The following CDIN1 variants were observed in gnomAD, a reference collection of about 807,000 sequenced individuals.
The protein encoded by CDIN1 is CDAN1 interacting nuclease 1, also known as CDAN1-interacting nuclease 1.
A neutral mutation model predicts 45.3 loss-of-function variants in CDIN1; 33 were observed. The observed-to-expected ratio is 0.73, with a 90% confidence interval of 0.55 to 0.97. The LOEUF is 0.97. Ranked by LOEUF, CDIN1 falls within the 50% of genes least tolerant of loss-of-function variation. The probability of loss-of-function intolerance (pLI) is 0.00; values close to 1 mark genes in which losing one functional copy is unlikely to be tolerated. For missense variants in CDIN1, 303 were observed against 339.4 expected, an observed-to-expected ratio of 0.89 and a Z score of 0.84; for synonymous variants, 118 against 124.4, an observed-to-expected ratio of 0.95 and a Z score of 0.34.
chr15:36,590,141 A>G (rs1444865873), intron 1 of CDIN1, among the ~76,000 whole-genome samples: 2 of 152,062 alleles, frequency 1.3e-5, no homozygotes, highest in African/African-American at 4.8e-5. Flanking sequence ...TTTTCTATTC[A>G]TTCTGGCTTC....
chr15:36,635,952 T>C (rs2140368238), intron 1 of CDIN1, among the ~76,000 whole-genome samples: 1 of 151,160 alleles, frequency 6.6e-6, no homozygotes, highest in Non-Finnish European at 1.5e-5. Context: ...GAAGAGAAAC[T>C]AAGAAACAGA....
At chr15:36,684,684 A>T (rs2041976632) in intron 5 of CDIN1, among the ~76,000 whole-genome samples, 1 of 152,136 alleles carries the variant, frequency 6.6e-6, no homozygotes, top group Non-Finnish European at 1.5e-5. Flanking sequence ...CTCTGGTAGA[A>T]TTCGGCTGTG....
intron 10 of CDIN1, among the ~76,000 whole-genome samples, chr15:36,793,426 G>A (rs998879747): frequency 6.6e-6 from 1 of 152,088 alleles, no homozygotes; most frequent in Non-Finnish European, 1.5e-5. Context: ...TCCCTCCCGT[G>A]TTATCTTAAG....
At chr15:36,720,424 T>TCCCTCCCCCCCCCCCCCCC (rs2043371379) in intron 10 of CDIN1, among the ~76,000 whole-genome samples, 1 of 116,060 alleles carries the variant, frequency 8.6e-6, no homozygotes, top group Non-Finnish European at 1.7e-5. Flanking sequence ...CTATCCCTCC[T>TCCCTCCCCCCCCCCCCCCC]CCCTCCCCCG....
At chr15:36,691,556 G>A in intron 5 of CDIN1, 129 bp from the exon 6 acceptor site, 1 of 620,564 alleles carries the variant, frequency 1.6e-6, no homozygotes, top group Non-Finnish European at 2.8e-6. Flanking sequence ...ATAGAAAAAG[G>A]AAAAAATGAT....
chr15:36,796,493 A>G (rs2054803091), intron 10 of CDIN1, among the ~76,000 whole-genome samples: 1 of 152,172 alleles, frequency 6.6e-6, no homozygotes, highest in East Asian at 1.9e-4. Context: ...AAACCTCAAG[A>G]ATGACAGGTA....
chr15:36,608,744 G>A (rs1054926161), intron 1 of CDIN1, among the ~76,000 whole-genome samples: 3 of 151,722 alleles, frequency 2.0e-5, no homozygotes, highest in African/African-American at 7.3e-5. Flanking sequence ...TCACTCTTTA[G>A]TGAAGTTCTT....
intron 1 of CDIN1, among the ~76,000 whole-genome samples, chr15:36,613,064 T>C (rs1183397583): frequency 2.0e-5 from 3 of 152,236 alleles, no homozygotes; most frequent in Non-Finnish European, 4.4e-5. Flanking sequence ...CTCTTATTCT[T>C]GTGAAGCTTA....
At chr15:36,665,713 T>A (rs187239443) in intron 5 of CDIN1, among the ~76,000 whole-genome samples, 1 of 152,304 alleles carries the variant, frequency 6.6e-6, no homozygotes, top group African/African-American at 2.4e-5. Context: ...GCTTTTGTCT[T>A]AAGAAGACTA....
At chr15:36,748,950 C>G (rs758605778) in intron 10 of CDIN1, among the ~76,000 whole-genome samples, 3 of 152,150 alleles carry the variant, frequency 2.0e-5, no homozygotes, top group Admixed American at 2.0e-4. Flanking sequence ...ACAAATAAAA[C>G]TGCTGAGGTT....
chr15:36,690,584 T>C (rs551838470), intron 5 of CDIN1, among the ~76,000 whole-genome samples: 8 of 152,144 alleles, frequency 5.3e-5, no homozygotes, highest in African/African-American at 1.7e-4. Context: ...ATTTATCTTA[T>C]GTATCAGTGT....
In CDIN1 at chr15:36,665,240, A is replaced by T. The variant is rs2041203508; in HGVS notation, c.346+7335A>T. On this transcript the variant is annotated intron_variant, in intron 5 of 10. Coordinates refer to ENST00000566621, the MANE Select transcript of CDIN1 (RefSeq NM_001321759.2). ...ATAAGAGTACATGCATTGTGTGATA[A>T]ATATTAACGGTAATGATTGTATTGA... 5.3e-5 allele frequency among the ~76,000 whole-genome samples: 8 copies of T among 152,192 alleles called. No homozygotes were observed. The South Asian group carries it at 1.7e-3, about 32-fold the overall frequency.
At chr15:36,799,917 A>G (rs919071204) in intron 10 of CDIN1, 2 of 152,230 alleles carry the variant, frequency 1.3e-5, no homozygotes, top group Non-Finnish European at 2.9e-5. Flanking sequence ...AAAGATTTAC[A>G]ACAGGCTAGA....
chr15:36,807,031 A>T (rs1200408749), intron 10 of CDIN1, among the ~76,000 whole-genome samples: 2 of 152,200 alleles, frequency 1.3e-5, no homozygotes, highest in Non-Finnish European at 1.5e-5. Flanking sequence ...CTAGAACAAG[A>T]TCAAGTGATG....
intron 8 of CDIN1, among the ~76,000 whole-genome samples, chr15:36,701,681 T>C (rs1566913202): frequency 6.6e-6 from 1 of 152,148 alleles, no homozygotes; most frequent in Non-Finnish European, 1.5e-5. Context: ...TTCTTTCCAG[T>C]GAATGTTTCC....
intron 5 of CDIN1, among the ~76,000 whole-genome samples, chr15:36,682,477 C>A (rs1416040411): frequency 6.6e-6 from 1 of 151,430 alleles, no homozygotes; most frequent in African/African-American, 2.4e-5. Flanking sequence ...ACAGACGCAC[C>A]CAAAATGATG....
At chr15:36,626,327 C>A (rs948655040) in intron 1 of CDIN1, among the ~76,000 whole-genome samples, 1 of 150,230 alleles carries the variant, frequency 6.7e-6, no homozygotes. Context: ...GGGCCTTGTT[C>A]CAGCAAACAA....
At chr15:36,661,464 AG>A (rs2041010330) in intron 5 of CDIN1, among the ~76,000 whole-genome samples, 1 of 152,156 alleles carries the variant, frequency 6.6e-6, no homozygotes, top group Non-Finnish European at 1.5e-5. Flanking sequence ...AAATCATTTA[AG>A]TGTCAAAGTA....
intron 8 of CDIN1, chr15:36,708,992 TATA>T: frequency 2.7e-6 from 1 of 368,276 alleles, no homozygotes; most frequent in Non-Finnish European, 4.8e-6. Context: ...TCGTGATGTT[TATA>T]ATAACGAAAA....
Sources: gnomAD v4.1 joint callset for allele counts (sites outside exome capture counted in the v4.1 genomes callset) on GRCh38, gnomAD v4.1.1 for gene constraint, MANE v1.5 for transcripts, NCBI Gene and HGNC (gene_info 2026-07-23, HGNC 2026-07-21) for gene names.